The following ELOVL6 variants were observed in gnomAD, a reference collection of about 807,000 sequenced individuals.
The protein encoded by ELOVL6 is very long chain fatty acid elongase 6.
ELOVL6 carries 8 observed loss-of-function variants against 31.7 expected under a neutral mutation model. That is an observed-to-expected ratio of 0.25 (90% CI 0.15 to 0.45). The LOEUF is 0.45. ELOVL6 is among the 20% of genes least tolerant of loss of function. The pLI, the probability that ELOVL6 is intolerant of heterozygous loss-of-function variation, is 1.00. For missense variants in ELOVL6, 126 were observed against 326.4 expected, an observed-to-expected ratio of 0.39 and a Z score of 4.73; for synonymous variants, 101 against 117.7, an observed-to-expected ratio of 0.86 and a Z score of 0.92.
At chr4:110,158,635 G>GTATATATATA (rs780807092) in intron 1 of ELOVL6, among the ~76,000 whole-genome samples, 22 of 81,562 alleles carry the variant, frequency 2.7e-4, no homozygotes, top group East Asian at 7.4e-4. Flanking sequence ...ATATACACGT[G>GTATATATATA]TATATATATA....
chr4:110,158,690 C>T (rs1309949895), intron 1 of ELOVL6, among the ~76,000 whole-genome samples: 16 of 79,696 alleles, frequency 2.0e-4, no homozygotes, highest in Admixed American at 1.7e-3. Context: ...GACAGAATTT[C>T]GCTCTTGTTG....
At position 110,084,436 on chromosome 4, in the gene ELOVL6, A is replaced by ATG. The variant is rs759143799; in HGVS notation, c.221+21060_221+21061insCA. ...ATACATGATATATCACATATATCAT[A>ATG]TATGATATATCGCATATATCATATA... On this transcript the variant is annotated intron_variant, in intron 2 of 3. Coordinates refer to ENST00000302274, the MANE Select transcript of ELOVL6 (RefSeq NM_024090.3). 8.7e-5 allele frequency among the ~76,000 whole-genome samples: 9 copies of ATG among 103,202 alleles called. 1 individual carries two copies. Among genetic ancestry groups the ATG allele is most frequent in the East Asian group, 7.6e-4 (3 of 3,940 alleles). The allele number at this position is 103,202 out of a possible 152,430, so 67.7% of individuals were successfully genotyped here. A position where few individuals can be genotyped will look rare whatever the true frequency, so the allele number is the denominator to read the frequency against.
chr4:110,138,012 G>A (rs555320625), intron 1 of ELOVL6, among the ~76,000 whole-genome samples: 4 of 152,278 alleles, frequency 2.6e-5, no homozygotes, highest in African/African-American at 9.6e-5. Flanking sequence ...TTCAAAGTGA[G>A]TCCAATTCTT....
At chr4:110,115,246 C>T (rs1125819) in intron 1 of ELOVL6, among the ~76,000 whole-genome samples, 34,883 of 151,752 alleles carry the variant, frequency 0.23, 4,311 homozygotes, top group East Asian at 0.43. Flanking sequence ...TCAGCAGTGA[C>T]GATGATCTCA....
chr4:110,106,373 A>G (rs1756890406), intron 1 of ELOVL6, among the ~76,000 whole-genome samples: 1 of 152,174 alleles, frequency 6.6e-6, no homozygotes, highest in Non-Finnish European at 1.5e-5. Flanking sequence ...AGCCCTGAGG[A>G]CTGCTGGCTG....
At chr4:110,081,400 G>C (rs1185258821) in intron 2 of ELOVL6, among the ~76,000 whole-genome samples, 1 of 152,238 alleles carries the variant, frequency 6.6e-6, no homozygotes, top group South Asian at 2.1e-4. Flanking sequence ...CAGAGATATA[G>C]ACCAATGGAA....
At chr4:110,189,444 AG>A (rs1329890361) in intron 1 of ELOVL6, among the ~76,000 whole-genome samples, 1 of 150,794 alleles carries the variant, frequency 6.6e-6, no homozygotes, top group East Asian at 2.0e-4. Context: ...AAAATTAGGC[AG>A]GTGTGGTGGC....
At chr4:110,191,669 T>C (rs905204168) in intron 1 of ELOVL6, among the ~76,000 whole-genome samples, 4 of 152,166 alleles carry the variant, frequency 2.6e-5, no homozygotes, top group African/African-American at 9.7e-5. Context: ...GGTGCCACAC[T>C]CATTTTACTT....
intron 1 of ELOVL6, among the ~76,000 whole-genome samples, chr4:110,129,948 G>T (rs1757620936): frequency 7.1e-6 from 1 of 139,884 alleles, no homozygotes; most frequent in East Asian, 2.1e-4. Flanking sequence ...CACCAGGCTG[G>T]AGTGCAGTAA....
intron 1 of ELOVL6, among the ~76,000 whole-genome samples, chr4:110,191,207 A>G (rs992507964): frequency 6.6e-6 from 1 of 152,202 alleles, no homozygotes; most frequent in African/African-American, 2.4e-5. Context: ...GTTTTTTTAA[A>G]GTTCTCAGAA....
intron 2 of ELOVL6, among the ~76,000 whole-genome samples, chr4:110,084,287 A>G (rs1341368275): frequency 2.5e-5 from 3 of 117,690 alleles, no homozygotes; most frequent in South Asian, 2.4e-4. Context: ...AACATATATA[A>G]CTTATATATG....
chr4:110,115,618 A>G (rs1206667837), intron 1 of ELOVL6, among the ~76,000 whole-genome samples: 1 of 152,172 alleles, frequency 6.6e-6, no homozygotes, highest in Non-Finnish European at 1.5e-5. Flanking sequence ...ATATGGCAAC[A>G]TTTTGACTGG....
At chr4:110,083,436 G>C (rs938178910) in intron 2 of ELOVL6, among the ~76,000 whole-genome samples, 1 of 151,668 alleles carries the variant, frequency 6.6e-6, no homozygotes, top group East Asian at 1.9e-4. Context: ...AGCTGGGCAC[G>C]CTTGGTACGA....
At chr4:110,135,295 C>T (rs140064802) in intron 1 of ELOVL6, among the ~76,000 whole-genome samples, 1 of 152,180 alleles carries the variant, frequency 6.6e-6, no homozygotes, top group African/African-American at 2.4e-5. Flanking sequence ...ACTAACTTCA[C>T]TAGGTATGTG....
At chr4:110,153,465 T>C (rs1348795685) in intron 1 of ELOVL6, among the ~76,000 whole-genome samples, 2 of 152,156 alleles carry the variant, frequency 1.3e-5, no homozygotes, top group Admixed American at 6.5e-5. Context: ...TAATTAATAG[T>C]GGAGGATTAA....
intron 2 of ELOVL6, among the ~76,000 whole-genome samples, chr4:110,083,892 A>G (rs1039017741): frequency 7.2e-6 from 1 of 138,634 alleles, no homozygotes; most frequent in Non-Finnish European, 1.5e-5. Context: ...ATATATATAG[A>G]TAATATATAT....
Position 110,051,416 on chromosome 4 carries a change from G to C in ELOVL6, c.720C>G (p.Leu240=). 1 of 1,614,230 alleles carries C rather than the reference G, an allele frequency of 6.2e-7. No individual in the cohort carries two copies. Among genetic ancestry groups the C allele is most frequent in the Non-Finnish European group, 8.5e-7 (1 of 1,180,040 alleles). ...QNIFWSSLMY[L]SYLVLFCHFF... ...AATGGCAGAAGAGCACAAGGTAGCT[G>C]AGGTACATGAGTGAGGACCAGAAGA... The change falls in exon 4 of 4, where the codon CTC becomes CTG. Residue 240 remains leucine (L), a synonymous_variant. Transcript: ENST00000302274. The surrounding 1 kb of genome is among the most constrained non-coding windows in gnomAD (Gnocchi z 4.8).
At chr4:110,193,383 T>C (rs1759681740) in intron 1 of ELOVL6, among the ~76,000 whole-genome samples, 1 of 152,150 alleles carries the variant, frequency 6.6e-6, no homozygotes, top group Non-Finnish European at 1.5e-5. Context: ...GGTGGGCGGA[T>C]TACTTGAGGT....
intron 2 of ELOVL6, among the ~76,000 whole-genome samples, chr4:110,066,002 C>T (rs1755288657): frequency 6.6e-6 from 1 of 152,144 alleles, no homozygotes; most frequent in Admixed American, 6.5e-5. Context: ...ACCCTACTAA[C>T]TCAATAACCA....
Sources: gnomAD v4.1 joint callset for allele counts (sites outside exome capture counted in the v4.1 genomes callset) on GRCh38, gnomAD v4.1.1 for gene constraint, Gnocchi (gnomAD v3.1) non-coding constraint, MANE v1.5 for transcripts, NCBI Gene and HGNC (gene_info 2026-07-23, HGNC 2026-07-21) for gene names.